The following TUBGCP4 variants were observed in gnomAD, a reference collection of about 807,000 sequenced individuals.
TUBGCP4 encodes gamma-tubulin complex component 4.
TUBGCP4 carries 54 observed loss-of-function variants against 91.6 expected under a neutral mutation model. The observed-to-expected ratio is 0.59, with a 90% CI of 0.47 to 0.74. The LOEUF (loss-of-function observed/expected upper bound fraction) is 0.74. TUBGCP4 is among the 30% of genes least tolerant of loss of function. The pLI, the probability that TUBGCP4 is intolerant of heterozygous loss-of-function variation, is 0.00. For missense variants in TUBGCP4, 593 were observed against 800.9 expected (o/e 0.74, Z 3.13); for synonymous variants, 297 against 302.8 (o/e 0.98, Z 0.20).
intron 5 of TUBGCP4, among the ~76,000 whole-genome samples, chr15:43,378,640 A>G (rs1220264569): frequency 6.6e-6 from 1 of 152,238 alleles, no homozygotes; most frequent in African/African-American, 2.4e-5. Flanking sequence ...GTGTAAGTGT[A>G]GAAACAGTGC....
intron 9 of TUBGCP4, among the ~76,000 whole-genome samples, chr15:43,388,575 G>A (rs966031461): frequency 6.6e-6 from 1 of 152,174 alleles, no homozygotes; most frequent in Non-Finnish European, 1.5e-5. Context: ...ATTGAATCTA[G>A]TTCTGTTGCT....
At chr15:43,402,605 G>A (rs1341823945) in intron 15 of TUBGCP4, 1 of 152,160 alleles carries the variant, frequency 6.6e-6, no homozygotes, top group Non-Finnish European at 1.5e-5. Flanking sequence ...GTACATATAT[G>A]TCTCCTTCGT....
At chr15:43,372,918 GTCT>G (rs1164452330) in intron 1 of TUBGCP4, among the ~76,000 whole-genome samples, 2 of 152,134 alleles carry the variant, frequency 1.3e-5, no homozygotes, top group Admixed American at 6.5e-5. Context: ...AAGACCAGTG[GTCT>G]TCTTCATTCA....
Position 43,405,325 on chromosome 15 carries a change from AG to A in TUBGCP4, c.*113del, listed in dbSNP as rs1411163922. The stretch of plus-strand genomic sequence containing the variant: ...AAATAAATATCTGCGGCTTAGTGAT[AG>A]GACTCTACCTTTTCTCCTAGAAGCA... On this transcript the variant is annotated 3_prime_UTR_variant, in exon 18 of 18. Transcript: ENST00000564079. 1 of 1,251,074 alleles carries A rather than the reference AG, an allele frequency of 8.0e-7. No homozygotes were observed. Among genetic ancestry groups the A allele is most frequent in the Non-Finnish European group, 1.2e-6 (1 of 862,290 alleles). The allele number at this position is 1,251,074 out of a possible 1,614,324, so 77.5% of individuals were successfully genotyped here. A position where few individuals can be genotyped will look rare whatever the true frequency, so the allele number is the denominator to read the frequency against.
At position 43,400,390 on chromosome 15, in the gene TUBGCP4, A is replaced by G. The variant is rs141281288; in HGVS notation, c.1596+169A>G. ...TTTCTTAAAATAAAAAAAGCATTTT[A>G]TTTTATTTTATTTTATTATTTTTTA... On this transcript the variant is annotated intron_variant, in intron 14 of 17. Transcript: ENST00000564079. Among the ~76,000 whole-genome samples, 95 of 152,156 alleles carry G rather than the reference A, an allele frequency of 6.2e-4. No homozygotes were observed. In the East Asian group the frequency reaches 0.016, roughly 26 times the overall value.
Position 43,406,852 on chromosome 15 carries a change from T to C in TUBGCP4, c.*1638T>C, listed in dbSNP as rs150205757. On this transcript the variant is annotated 3_prime_UTR_variant, in exon 18 of 18. Transcript: ENST00000564079. ...GCAGTTGGTCCTTTCGTTCTCCCTT[T>C]AGCTCTAAGAGTTGGGGAGTACCCA... 2 of 318,778 alleles carry C rather than the reference T, an allele frequency of 6.3e-6. No homozygotes were observed. Among genetic ancestry groups the C allele is most frequent in the East Asian group, 1.6e-4 (2 of 12,310 alleles). The allele number at this position is 318,778 out of a possible 1,614,324, so 19.7% of individuals were successfully genotyped here.
Position 43,403,514 on chromosome 15 carries a change from T to G in TUBGCP4, c.1732-169T>G, listed in dbSNP as rs12299. 1,626 of 580,264 alleles carry G rather than the reference T, an allele frequency of 2.8e-3. 22 individuals are homozygous for G. The highest frequency in any genetic ancestry group is 0.027 in the African/African-American group (1,452 of 53,486). 35.9% of individuals were successfully genotyped at this position (580,264 alleles called of 1,614,324 possible). On this transcript the variant is annotated intron_variant, in intron 15 of 17. Transcript: ENST00000564079. ...AAGGATGCATTTGTTTTACGCATTTTGTGCGTCTGAGGGGCTGGCAGGCCT... is the reference window on the plus strand; with the variant it reads ...AAGGATGCATTTGTTTTACGCATTTGGTGCGTCTGAGGGGCTGGCAGGCCT...
rs751483378 is a variant in TUBGCP4, at chr15:43,386,298, G to T, written c.982G>T (p.Val328Leu). The T allele has an allele frequency of 5.1e-6, 8 of 1,573,198 alleles. No homozygotes were observed. The highest frequency in any genetic ancestry group is 6.0e-6 in the Non-Finnish European group (7 of 1,162,254). ...CTTCAGCTTGGTGGACTTTGAACAGGTGGTGGATCGCATTCGCAGCACTGT... is the reference window on the plus strand; with the variant it reads ...CTTCAGCTTGGTGGACTTTGAACAGTTGGTGGATCGCATTCGCAGCACTGT... The part of the protein sequence containing the change: ...PLFSLVDFEQ[V>L]VDRIRSTVAE... The change falls in exon 9 of 18, where the codon GTG (valine) becomes TTG (leucine). Residue 328 changes from valine to leucine, a missense_variant. By Grantham distance (32) the Val-to-Leu change is conservative. Coordinates refer to ENST00000564079, the MANE Select transcript of TUBGCP4 (RefSeq NM_014444.5).
rs1360036545 is a variant in TUBGCP4, at chr15:43,386,348, T to C, written c.1014+18T>C. 5.1e-5 allele frequency: 2 copies of C among 38,896 alleles called. No homozygotes were observed. Among genetic ancestry groups the C allele is most frequent in the East Asian group, 6.1e-4 (1 of 1,648 alleles). The allele number at this position is 38,896 out of a possible 1,614,324, so 2.4% of individuals were successfully genotyped here. A position where few individuals can be genotyped will look rare whatever the true frequency, so the allele number is the denominator to read the frequency against. ...TGGCTGAGGTTTGTGTTTCATCGTA[T>C]ATATATATATATATATATATATATA... On this transcript the variant is annotated intron_variant, in intron 9 of 17. Coordinates refer to ENST00000564079, the MANE Select transcript of TUBGCP4 (RefSeq NM_014444.5).
At chr15:43,391,120 G>A (rs2044461105) in intron 9 of TUBGCP4, among the ~76,000 whole-genome samples, 1 of 151,480 alleles carries the variant, frequency 6.6e-6, no homozygotes, top group African/African-American at 2.4e-5. Context: ...CCAATTCCTG[G>A]GCTCAAGCAA....
At position 43,386,350 on chromosome 15, in the gene TUBGCP4, TA is replaced by T; in HGVS notation, c.1014+21del. 1 of 46,334 alleles carries T rather than the reference TA, an allele frequency of 2.2e-5. No individual in the cohort carries two copies. The highest frequency in any genetic ancestry group is 3.8e-5 in the Non-Finnish European group (1 of 26,362). The allele number at this position is 46,334 out of a possible 1,614,324, so 2.9% of individuals were successfully genotyped here. A position where few individuals can be genotyped will look rare whatever the true frequency, so the allele number is the denominator to read the frequency against. On this transcript the variant is annotated intron_variant, in intron 9 of 17. Coordinates refer to ENST00000564079, the MANE Select transcript of TUBGCP4 (RefSeq NM_014444.5). ...GCTGAGGTTTGTGTTTCATCGTATA[TA>T]TATATATATATATATATATATATAT...
chr15:43,401,753 A>G lies in TUBGCP4; in HGVS notation c.1634A>G (p.His545Arg), dbSNP rs754027854. 1 of 1,614,154 alleles carries G rather than the reference A, an allele frequency of 6.2e-7. No individual in the cohort carries two copies. The highest frequency in any genetic ancestry group is 8.5e-7 in the Non-Finnish European group (1 of 1,180,006). Residue 545 changes from histidine to arginine, a missense_variant, in exon 15 of 18, where the codon CAT becomes CGT. Transcript: ENST00000564079. ...GAGTCTCAGTTCTCCCAGCTGCTTCATCAGATCAATTCTACCCGAGACTTT... is the reference window on the plus strand; with the variant it reads ...GAGTCTCAGTTCTCCCAGCTGCTTCGTCAGATCAATTCTACCCGAGACTTT... ...VLESQFSQLL[H>R]QINSTRDFES...
intron 5 of TUBGCP4, among the ~76,000 whole-genome samples, chr15:43,378,426 T>A (rs1479009688): frequency 6.6e-6 from 1 of 152,218 alleles, no homozygotes; most frequent in African/African-American, 2.4e-5. Context: ...ATAAATGCTT[T>A]GAGATTTCAT....
intron 6 of TUBGCP4, 57 bp downstream of exon 6, chr15:43,380,220 C>T: frequency 7.0e-7 from 1 of 1,427,250 alleles, no homozygotes; most frequent in Admixed American, 1.7e-5. Flanking sequence ...AATTATTTGA[C>T]TTCTCACATG....
At chr15:43,395,331 G>C (rs554770234) in intron 10 of TUBGCP4, 174 bp downstream of exon 10, 1 of 741,764 alleles carries the variant, frequency 1.3e-6, no homozygotes, top group South Asian at 1.7e-5. Flanking sequence ...ATAATACAAA[G>C]ATTTGGGAGT....
chr15:43,406,990 C>A lies in TUBGCP4; in HGVS notation c.*1776C>A, dbSNP rs556829218. ...TTTTGGCACAACTGTTAATCTGGGCCTTCACCTACCTTAAACTGAGTTTCT... is the reference window on the plus strand; with the variant it reads ...TTTTGGCACAACTGTTAATCTGGGCATTCACCTACCTTAAACTGAGTTTCT... On this transcript the variant is annotated 3_prime_UTR_variant, in exon 18 of 18. Transcript: ENST00000564079. The A allele has an allele frequency of 4.3e-6, 1 of 233,838 alleles. No homozygotes were observed. Among genetic ancestry groups the A allele is most frequent in the Non-Finnish European group, 8.5e-6 (1 of 117,250 alleles). The allele number at this position is 233,838 out of a possible 1,614,324, so 14.5% of individuals were successfully genotyped here.
Position 43,407,469 on chromosome 15 carries a change from C to G in TUBGCP4, c.*2255C>G. On this transcript the variant is annotated 3_prime_UTR_variant, in exon 18 of 18. Coordinates refer to ENST00000564079, the MANE Select transcript of TUBGCP4 (RefSeq NM_014444.5). ...ACAATGAGGCACTGGATCACCCACTCTTGTGACACCACAGGCAGCTGCAAT... is the reference window on the plus strand; with the variant it reads ...ACAATGAGGCACTGGATCACCCACTGTTGTGACACCACAGGCAGCTGCAAT... 3 of 1,614,228 alleles carry G rather than the reference C, an allele frequency of 1.9e-6. No individual in the cohort carries two copies. Among genetic ancestry groups the G allele is most frequent in the Non-Finnish European group, 2.5e-6 (3 of 1,180,024 alleles).
intron 13 of TUBGCP4, chr15:43,398,397 A>T (rs2044616619): frequency 2.5e-6 from 1 of 407,924 alleles, no homozygotes; most frequent in Non-Finnish European, 4.3e-6. Flanking sequence ...AAAAAAAAAA[A>T]AATTAATGGG....
chr15:43,404,410 C>T lies in TUBGCP4; in HGVS notation c.1849-3C>T, dbSNP rs1188958037. ...AATGACAGCTGAGTCCTTCTCTCTG[C>T]AGGGCTTTAGCCGCCAGTCTTCACT... On this transcript the variant is annotated splice_region_variant and splice_polypyrimidine_tract_variant and intron_variant, in intron 16 of 17. Transcript: ENST00000564079. 1.2e-6 allele frequency: 2 copies of T among 1,613,958 alleles called. No homozygotes were observed. Among genetic ancestry groups the T allele is most frequent in the South Asian group, 1.1e-5 (1 of 91,070 alleles).
Sources: allele counts gnomAD v4.1 joint callset (sites outside exome capture counted in the v4.1 genomes callset), GRCh38; gene constraint gnomAD v4.1.1; transcripts MANE v1.5; gene names NCBI Gene and HGNC (gene_info 2026-07-23, HGNC 2026-07-21).